The following SLC30A8 variants were observed in gnomAD, a reference collection of about 807,000 sequenced individuals.
SLC30A8 encodes the protein solute carrier family 30 member 8.
Under a neutral mutation model 36.9 loss-of-function variants are expected in SLC30A8, and 27 were observed. The observed-to-expected ratio is 0.73, with a 90% CI of 0.54 to 1.01. The LOEUF is 1.01. Ranked by LOEUF, SLC30A8 falls within the 50% of genes least tolerant of loss-of-function variation. SLC30A8 has a pLI of 0.00. For missense variants in SLC30A8, 439 were observed against 452.0 expected (o/e 0.97, Z 0.26); for synonymous variants, 164 against 172.4 (o/e 0.95, Z 0.38).
At chr8:117,167,504 T>TATATATATATATATATAC (rs1491223080) in intron 6 of SLC30A8, among the ~76,000 whole-genome samples, 3,553 of 141,322 alleles carry the variant, frequency 0.025, 137 homozygotes, top group Non-Finnish European at 0.038. Flanking sequence ...CATACATACA[T>TATATATATATATATATAC]GTATATGTAT....
chr8:117,082,783 T>C (rs1818718595), intron 2 of SLC30A8, among the ~76,000 whole-genome samples: 1 of 152,102 alleles, frequency 6.6e-6, no homozygotes, highest in South Asian at 2.1e-4. Flanking sequence ...TTTTGTTTTG[T>C]TTGAACTGGA....
rs749643350 is a variant in SLC30A8, at chr8:117,172,710, T to A, written c.*29T>A. 4 of 1,612,296 alleles carry A rather than the reference T, an allele frequency of 2.5e-6. No individual in the cohort carries two copies. The South Asian group carries it at 3.3e-5, about 13-fold the overall frequency. ...AGTCACACCGTCAGTTTCCCAAATT[T>A]GACAGGCCACCTTCAAACATGCTGC... On this transcript the variant is annotated 3_prime_UTR_variant, in exon 8 of 8. Coordinates refer to ENST00000456015, the MANE Select transcript of SLC30A8 (RefSeq NM_173851.3).
chr8:117,081,073 A>G (rs1015360068), intron 2 of SLC30A8, among the ~76,000 whole-genome samples: 8 of 152,070 alleles, frequency 5.3e-5, no homozygotes, highest in Non-Finnish European at 7.4e-5. Flanking sequence ...TTTTTTGTAA[A>G]CTGCAGAGTC....
At chr8:117,067,211 G>C (rs1257294752) in intron 2 of SLC30A8, among the ~76,000 whole-genome samples, 3 of 152,070 alleles carry the variant, frequency 2.0e-5, no homozygotes, top group Non-Finnish European at 4.4e-5. Flanking sequence ...CTCACCACAC[G>C]TAGGGATTAT....
chr8:117,122,699 A>C (rs775517888), intron 2 of SLC30A8, among the ~76,000 whole-genome samples: 2 of 151,946 alleles, frequency 1.3e-5, no homozygotes, highest in African/African-American at 2.4e-5. Flanking sequence ...CACATGCCAC[A>C]CTCAGGCTCT....
intron 2 of SLC30A8, among the ~76,000 whole-genome samples, chr8:117,083,241 C>T (rs1021129511): frequency 2.0e-5 from 3 of 152,160 alleles, no homozygotes; most frequent in African/African-American, 7.2e-5. Context: ...GTGGTGGATG[C>T]TATGATATGC....
At chr8:117,052,988 C>A (rs576751801) in intron 2 of SLC30A8, among the ~76,000 whole-genome samples, 37 of 151,730 alleles carry the variant, frequency 2.4e-4, no homozygotes, top group Middle Eastern at 3.4e-3. Flanking sequence ...CTCACTGCAA[C>A]CTCCGCCTCC....
chr8:116,981,696 C>G (rs1467161647), intron 1 of SLC30A8, among the ~76,000 whole-genome samples: 1 of 152,184 alleles, frequency 6.6e-6, no homozygotes, highest in African/African-American at 2.4e-5. Flanking sequence ...TATTAGCTCA[C>G]TTAGGATAAT....
chr8:116,970,381 T>C (rs1814752021), intron 1 of SLC30A8, among the ~76,000 whole-genome samples: 1 of 152,232 alleles, frequency 6.6e-6, no homozygotes, highest in African/African-American at 2.4e-5. Context: ...ATTTTTTTAA[T>C]AAGTAGAAGG....
At chr8:117,150,980 T>C (rs57013256) in intron 2 of SLC30A8, among the ~76,000 whole-genome samples, 4,632 of 151,486 alleles carry the variant, frequency 0.031, 239 homozygotes, top group African/African-American at 0.11. Flanking sequence ...TCCTTAGCCA[T>C]AGAATCACAT....
At chr8:117,095,503 C>G (rs1244047081) in intron 2 of SLC30A8, among the ~76,000 whole-genome samples, 2 of 151,060 alleles carry the variant, frequency 1.3e-5, no homozygotes, top group African/African-American at 4.9e-5. Flanking sequence ...TTCTTTTTTT[C>G]TTAAAATGGG....
intron 1 of SLC30A8, among the ~76,000 whole-genome samples, chr8:116,987,751 A>G (rs972305832): frequency 3.3e-5 from 5 of 152,078 alleles, no homozygotes; most frequent in Non-Finnish European, 4.4e-5. Flanking sequence ...GTTGGAGTGC[A>G]GTGGCACGAT....
At chr8:117,068,339 C>G (rs2130794854) in intron 2 of SLC30A8, among the ~76,000 whole-genome samples, 1 of 152,240 alleles carries the variant, frequency 6.6e-6, no homozygotes, top group South Asian at 2.1e-4. Flanking sequence ...AAGCAAGAAA[C>G]AGCTTTAGGT....
intron 2 of SLC30A8, among the ~76,000 whole-genome samples, chr8:117,067,278 T>A (rs1416081747): frequency 6.6e-6 from 1 of 152,026 alleles, no homozygotes; most frequent in East Asian, 1.9e-4. Context: ...ACCATAACAT[T>A]GACTCTACTG....
intron 3 of SLC30A8, among the ~76,000 whole-genome samples, chr8:117,156,839 G>A (rs1249402987): frequency 6.6e-6 from 1 of 152,120 alleles, no homozygotes; most frequent in Non-Finnish European, 1.5e-5. Flanking sequence ...GCCACACAAT[G>A]GGTAATAATA....
intron 1 of SLC30A8, among the ~76,000 whole-genome samples, chr8:116,953,374 T>C (rs928671871): frequency 6.6e-6 from 1 of 152,204 alleles, no homozygotes; most frequent in South Asian, 2.1e-4. Context: ...ACGACTATTT[T>C]GTATTTTTCT....
intron 1 of SLC30A8, among the ~76,000 whole-genome samples, chr8:117,028,714 AATATAC>A (rs1816945935): frequency 3.3e-5 from 5 of 152,184 alleles, no homozygotes; most frequent in Admixed American, 3.3e-4. Flanking sequence ...GATTACATAT[AATATAC>A]ATATGACAAA....
chr8:117,157,966 A>C lies in SLC30A8; in HGVS notation c.572+122A>C, dbSNP rs1586602410. The stretch of plus-strand genomic sequence containing the variant: ...TGGTAGAGACTGGACAGAGTGTTTG[A>C]ATGGCTCTAAGATTGAAAATAAGGT... On this transcript the variant is annotated intron_variant, in intron 4 of 7. Transcript: ENST00000456015. The C allele has an allele frequency of 6.5e-5, 71 of 1,100,514 alleles. No homozygotes were observed. In the East Asian group the frequency reaches 1.7e-3, roughly 26 times the overall value. The allele number at this position is 1,100,514 out of a possible 1,614,324, so 68.2% of individuals were successfully genotyped here.
intron 1 of SLC30A8, among the ~76,000 whole-genome samples, chr8:117,024,601 A>G (rs1816814842): frequency 6.6e-6 from 1 of 152,204 alleles, no homozygotes; most frequent in Admixed American, 6.5e-5. Flanking sequence ...CATATGGTTC[A>G]ATTTTATGAA....
Sources: gnomAD v4.1 joint callset for allele counts (sites outside exome capture counted in the v4.1 genomes callset) on GRCh38, gnomAD v4.1.1 for gene constraint, MANE v1.5 for transcripts, NCBI Gene and HGNC (gene_info 2026-07-23, HGNC 2026-07-21) for gene names.